The following KDM2B variants were observed in gnomAD, a reference collection of about 807,000 sequenced individuals.
The protein encoded by KDM2B is lysine-specific demethylase 2B.
Under a neutral mutation model 150.0 loss-of-function variants are expected in KDM2B, and 26 were observed. That is an observed-to-expected ratio of 0.17 (90% CI 0.13 to 0.24). KDM2B has a LOEUF of 0.24. Ranked by LOEUF, KDM2B falls within the 10% of genes least tolerant of loss-of-function variation. The pLI is 1.00. For synonymous variants in KDM2B, 734 were observed against 729.5 expected, an observed-to-expected ratio of 1.01 and a Z score of -0.10; for missense variants, 1,265 against 1,816.9, an observed-to-expected ratio of 0.70 and a Z score of 5.52.
At chr12:121,512,608 G>A (rs573968212) in intron 10 of KDM2B, among the ~76,000 whole-genome samples, 3 of 152,194 alleles carry the variant, frequency 2.0e-5, no homozygotes, top group South Asian at 2.1e-4. Flanking sequence ...AGACGCAGCC[G>A]AGAGGAATCA....
At chr12:121,556,935 A>T (rs1555312834) in intron 4 of KDM2B, among the ~76,000 whole-genome samples, 1 of 152,078 alleles carries the variant, frequency 6.6e-6, no homozygotes, top group African/African-American at 2.4e-5. Flanking sequence ...TAAAAATGTA[A>T]TTTTAAAAAG....
Position 121,440,913 on chromosome 12 carries a change from A to G in KDM2B, c.3513T>C (p.Ser1171=). Residue 1171 remains serine, a synonymous_variant, in exon 21 of 23, where the codon AGT becomes AGC. Coordinates refer to ENST00000377071, the MANE Select transcript of KDM2B (RefSeq NM_032590.5). The part of the protein sequence containing the change: ...WIAVSALCSS[S]CPLLRTLDVQ... ...CATCCAGGGTCCGGAGCAGCGGACA[A>G]CTGGAGCTGCAAAGGGCCGAGACCG... 1 of 1,614,104 alleles carries G rather than the reference A, an allele frequency of 6.2e-7. No homozygotes were observed. Among genetic ancestry groups the G allele is most frequent in the Non-Finnish European group, 8.5e-7 (1 of 1,179,998 alleles).
chr12:121,466,478 G>C (rs1195012636), intron 12 of KDM2B, among the ~76,000 whole-genome samples: 3 of 152,050 alleles, frequency 2.0e-5, no homozygotes, highest in Non-Finnish European at 4.4e-5. Flanking sequence ...TGAATCCACC[G>C]AGGCCAACTC....
chr12:121,437,720 G>A (rs1432910438), intron 22 of KDM2B, among the ~76,000 whole-genome samples: 1 of 152,146 alleles, frequency 6.6e-6, no homozygotes, highest in Admixed American at 6.5e-5. Flanking sequence ...AGCTAGAATT[G>A]CAACTTCCCT....
chr12:121,575,738 G>C lies in KDM2B; in HGVS notation c.350+43C>G. ...CCATCCCAAGCTATAAAGTATGTTA[G>C]GGAGGAAGACGGGGGAAGGAGTGAT... On this transcript the variant is annotated intron_variant, in intron 3 of 22. Transcript: ENST00000377071. This position sits in a 1 kb window ranked among gnomAD's most constrained non-coding sequence, Gnocchi z 4.4. 1.5e-6 allele frequency: 2 copies of C among 1,343,698 alleles called. No individual in the cohort carries two copies. Among genetic ancestry groups the C allele is most frequent in the Admixed American group, 1.7e-5 (1 of 59,672 alleles). The allele number at this position is 1,343,698 out of a possible 1,614,324, so 83.2% of individuals were successfully genotyped here.
the KDM2B span, chr12:121,415,254 A>G: frequency 3.4e-6 from 1 of 291,288 alleles, no homozygotes; most frequent in Admixed American, 3.4e-5. Context: ...CATTTAAAAA[A>G]TTATTTACAT....
intron 8 of KDM2B, among the ~76,000 whole-genome samples, chr12:121,530,283 T>A (rs1566382389): frequency 6.6e-6 from 1 of 151,338 alleles, no homozygotes; most frequent in Non-Finnish European, 1.5e-5. Context: ...CAGTCTCTGG[T>A]CCTTTAGTTT....
chr12:121,520,988 C>A lies in KDM2B; in HGVS notation c.1044G>T (p.Thr348=). The A allele has an allele frequency of 6.2e-7, 1 of 1,613,394 alleles. No homozygotes were observed. Among genetic ancestry groups the A allele is most frequent in the South Asian group, 1.1e-5 (1 of 91,064 alleles). ...GGACAGAAGGGAACCTCCTTACCCGCGTCCTGTCCTCGATCTCGTAGATCC... is the reference window on the plus strand; with the variant it reads ...GGACAGAAGGGAACCTCCTTACCCGAGTCCTGTCCTCGATCTCGTAGATCC... The part of the protein sequence containing the change: ...QLRIYEIEDR[T]RVQPKFRYPF... Residue 348 remains threonine (T), a synonymous_variant, in exon 9 of 23, where the codon ACG becomes ACT. Coordinates refer to ENST00000377071, the MANE Select transcript of KDM2B (RefSeq NM_032590.5). The surrounding 1 kb of genome is among the most constrained non-coding windows in gnomAD (Gnocchi z 4.5).
chr12:121,437,396 T>C (rs1477611987), intron 22 of KDM2B, among the ~76,000 whole-genome samples: 3 of 150,464 alleles, frequency 2.0e-5, no homozygotes, highest in African/African-American at 7.3e-5. Context: ...CAACCAAAAA[T>C]TGGAAAAGAT....
rs1891897138 is a variant in KDM2B, at chr12:121,580,568, G to C, written c.126+218C>G. ...GCGGCGGGCGCATCCCGGAGATGGC[G>C]GGGCAGGGAGGGAGGGAAGGAGGAG... On this transcript the variant is annotated intron_variant, in intron 1 of 22. Coordinates refer to ENST00000377071, the MANE Select transcript of KDM2B (RefSeq NM_032590.5). The C allele has an allele frequency of 5.1e-6, 5 of 980,434 alleles. No individual in the cohort carries two copies. The East Asian group carries it at 1.7e-4, about 33-fold the overall frequency. The allele number at this position is 980,434 out of a possible 1,614,324, so 60.7% of individuals were successfully genotyped here.
intron 12 of KDM2B, among the ~76,000 whole-genome samples, chr12:121,477,307 T>C (rs1555296931): frequency 6.6e-6 from 1 of 152,140 alleles, no homozygotes; most frequent in Admixed American, 6.6e-5. Flanking sequence ...AAAAAGGTAT[T>C]GTAAAAATAC....
rs781866626 is a variant in KDM2B at position 121,443,732 on chromosome 12, C to A, written c.2513G>T (p.Gly838Val). 23 of 1,611,638 alleles carry A rather than the reference C, an allele frequency of 1.4e-5. No homozygotes were observed. The South Asian group carries it at 2.3e-4, about 16-fold the overall frequency. The change falls in exon 17 of 23, where the codon GGC becomes GTC. Residue 838 changes from glycine to valine, a missense_variant. Transcript: ENST00000377071. Reference protein sequence around the residue: ...SSHLSPRPPLGSSLSPWWRSS... With the variant: ...SSHLSPRPPLVSSLSPWWRSS... ...TCTCCACCAGGGGCTGAGGCTGCTG[C>A]CTAGAGGGGGCCTCGGCGAGAGGTG... is the stretch of plus-strand genomic sequence containing the variant.
the KDM2B span, among the ~76,000 whole-genome samples, chr12:121,419,277 T>C: frequency 1.8e-4 from 27 of 152,228 alleles, no homozygotes; most frequent in Admixed American, 6.5e-5. Flanking sequence ...CCATGCCCTA[T>C]AGCCTAGGTG....
At chr12:121,445,124 C>T (rs1408173606) in intron 14 of KDM2B, 151 bp downstream of exon 14, 13 of 866,538 alleles carry the variant, frequency 1.5e-5, no homozygotes, top group Admixed American at 5.3e-5. Flanking sequence ...CTCCTTGCCC[C>T]GGGCTTATCC....
At position 121,521,189 on chromosome 12, in the gene KDM2B, G is replaced by T; in HGVS notation, c.932-89C>A. The T allele has an allele frequency of 1.2e-6, 1 of 841,348 alleles. No individual in the cohort carries two copies. Among genetic ancestry groups the T allele is most frequent in the Non-Finnish European group, 2.0e-6 (1 of 507,818 alleles). The allele number at this position is 841,348 out of a possible 1,614,324, so 52.1% of individuals were successfully genotyped here. On this transcript the variant is annotated intron_variant, in intron 8 of 22. Coordinates refer to ENST00000377071, the MANE Select transcript of KDM2B (RefSeq NM_032590.5). This position sits in a 1 kb window ranked among gnomAD's most constrained non-coding sequence, Gnocchi z 4.9. ...GGCTGCAGGGAGGGAGAGCGAGCGT[G>T]CAGGAGGGTGCAGGGAGTGGAGAAG... is the stretch of plus-strand genomic sequence containing the variant.
At position 121,444,456 on chromosome 12, in the gene KDM2B, G is replaced by A. The variant is rs782441665; in HGVS notation, c.2184C>T (p.Thr728=). 2.5e-6 allele frequency: 4 copies of A among 1,614,088 alleles called. No homozygotes were observed. Among genetic ancestry groups the A allele is most frequent in the South Asian group, 1.1e-5 (1 of 91,082 alleles). The change falls in exon 15 of 23, where the codon ACC becomes ACT. Residue 728 remains threonine (T), a synonymous_variant. Transcript: ENST00000377071. The stretch of plus-strand genomic sequence containing the variant: ...CTTGGAGCCCGGCACTCACTTTCCC[G>A]GTCTTGCCGGCGTGGTTACACTTCG... ...ECPKCNHAGK[T]GKQKRGPGFK... is the part of the protein sequence containing the mutation.
At chr12:121,581,062 C>T, upstream of KDM2B, 1 of 1,033,676 alleles carries the variant, frequency 9.7e-7, no homozygotes, top group Non-Finnish European at 1.3e-6. Context: ...CAGTCCGCAG[C>T]TGACCGGAAG....
At chr12:121,479,577 T>G (rs1159001264) in intron 12 of KDM2B, among the ~76,000 whole-genome samples, 1 of 151,970 alleles carries the variant, frequency 6.6e-6, no homozygotes, top group African/African-American at 2.4e-5. Flanking sequence ...GCAGTCAGCA[T>G]CATTGCACTG....
intron 4 of KDM2B, among the ~76,000 whole-genome samples, chr12:121,573,465 G>C (rs993215667): frequency 3.3e-5 from 5 of 151,836 alleles, no homozygotes; most frequent in Admixed American, 2.0e-4. Flanking sequence ...TGTAGAGAGA[G>C]GGTTTCACCA....
Sources: allele counts gnomAD v4.1 joint callset (sites outside exome capture counted in the v4.1 genomes callset), GRCh38; gene constraint gnomAD v4.1.1; non-coding constraint Gnocchi (gnomAD v3.1); transcripts MANE v1.5; gene names NCBI Gene and HGNC (gene_info 2026-07-23, HGNC 2026-07-21).